PRKAA2: variants seen among roughly 807,000 people sequenced by gnomAD.
PRKAA2 encodes the protein protein kinase AMP-activated catalytic subunit alpha 2.
A neutral mutation model predicts 56.3 loss-of-function variants in PRKAA2; 40 were observed. That is an observed-to-expected ratio of 0.71 (90% CI 0.55 to 0.92). The LOEUF (loss-of-function observed/expected upper bound fraction) is 0.92. Among genes scored for constraint, PRKAA2 ranks in the 40% least tolerant of loss-of-function variants. PRKAA2 has a pLI of 0.00. For missense variants in PRKAA2, 542 were observed against 686.9 expected (o/e 0.79, Z 2.36); for synonymous variants, 214 against 234.2 (o/e 0.91, Z 0.79).
intron 2 of PRKAA2, among the ~76,000 whole-genome samples, chr1:56,691,075 A>G (rs889145736): frequency 1.3e-5 from 2 of 152,176 alleles, no homozygotes; most frequent in African/African-American, 2.4e-5. Context: ...ATCTTTAAAT[A>G]TGTGATACCT....
chr1:56,662,695 A>G (rs915042533), intron 1 of PRKAA2, among the ~76,000 whole-genome samples: 2 of 152,184 alleles, frequency 1.3e-5, no homozygotes, highest in African/African-American at 2.4e-5. Flanking sequence ...GAGTTTAACC[A>G]TGTCAGTGCA....
intron 7 of PRKAA2, among the ~76,000 whole-genome samples, chr1:56,704,847 A>T (rs1644321325): frequency 6.6e-6 from 1 of 151,566 alleles, no homozygotes; most frequent in Non-Finnish European, 1.5e-5. Flanking sequence ...TTTAGGTGAC[A>T]GAGGCAGGTG....
intron 2 of PRKAA2, among the ~76,000 whole-genome samples, chr1:56,686,646 T>C (rs1343164589): frequency 6.6e-6 from 1 of 152,014 alleles, no homozygotes; most frequent in East Asian, 1.9e-4. Context: ...GCCAGTCTCC[T>C]TTAAACAACC....
intron 6 of PRKAA2, among the ~76,000 whole-genome samples, chr1:56,697,681 G>A (rs1644267635): frequency 6.6e-6 from 1 of 152,016 alleles, no homozygotes; most frequent in Admixed American, 6.6e-5. Context: ...AATAGTAATA[G>A]GCTGGGGGCA....
Position 56,714,329 on chromosome 1 carries a change from C to T in PRKAA2, c.*6616C>T, listed in dbSNP as rs1190145046. On this transcript the variant is annotated 3_prime_UTR_variant, in exon 9 of 9. Transcript: ENST00000371244. ...TTGATTTACAAAATGTGGATAATAA[C>T]CTACCTCACAGATGTGTGTGAGCAA... The T allele has an allele frequency of 3.3e-5, 5 of 152,064 alleles. No individual in the cohort carries two copies. In the East Asian group the frequency reaches 7.7e-4, roughly 23 times the overall value. The allele number at this position is 152,064 out of a possible 1,614,324, so 9.4% of individuals were successfully genotyped here.
intron 1 of PRKAA2, among the ~76,000 whole-genome samples, chr1:56,653,636 T>A (rs959877216): frequency 5.3e-5 from 8 of 152,154 alleles, no homozygotes; most frequent in Non-Finnish European, 1.5e-5. Context: ...TGTACTTTTG[T>A]GTATGTAGAC....
chr1:56,704,367 A>G lies in PRKAA2; in HGVS notation c.1185A>G (p.Leu395=). The change falls in exon 7 of 9, where the codon TTA becomes TTG. Residue 395 remains leucine, a synonymous_variant. Transcript: ENST00000371244. ...DALNTTKPKS[L]AVKKAKWHLG... is the part of the protein sequence containing the mutation. ...TGAATACGACTAAGCCCAAATCTTT[A>G]GCTGTGAAAAAAGCCAAGTGGCATC... The G allele has an allele frequency of 1.2e-6, 2 of 1,614,198 alleles. No individual in the cohort carries two copies. Among genetic ancestry groups the G allele is most frequent in the East Asian group, 2.2e-5 (1 of 44,878 alleles).
chr1:56,706,213 T>C lies in PRKAA2; in HGVS notation c.1415T>C (p.Ile472Thr), dbSNP rs759277859. 2.5e-6 allele frequency: 4 copies of C among 1,613,058 alleles called. No individual in the cohort carries two copies. The South Asian group carries it at 3.3e-5, about 13-fold the overall frequency. The change falls in exon 8 of 9, where the codon ATT becomes ACT. Residue 472 changes from isoleucine (I) to threonine (T), a missense_variant. By Grantham distance (89) the Ile-to-Thr change is moderately conservative. This residue lies in a region of PRKAA2 where 158 missense variants were observed against 166.1 expected (regional missense o/e 0.95). Coordinates refer to ENST00000371244, the MANE Select transcript of PRKAA2 (RefSeq NM_006252.4). Reference protein sequence around the residue: ...NRSYLLDFKSIDDEVVEQRSG... With the variant: ...NRSYLLDFKSTDDEVVEQRSG... The stretch of plus-strand genomic sequence containing the variant: ...AGCTATCTTTTGGACTTTAAAAGCA[T>C]TGATGGTAAGGAAGCTATGCATGCA...
chr1:56,703,132 C>A (rs1281600696), intron 6 of PRKAA2, among the ~76,000 whole-genome samples: 1 of 152,050 alleles, frequency 6.6e-6, no homozygotes, highest in Non-Finnish European at 1.5e-5. Flanking sequence ...ACATCAAGCA[C>A]AAAGGCCCAG....
chr1:56,704,364 TTTAG>T lies in PRKAA2; in HGVS notation c.1183_1186del (p.Ala396Ter). ...CACTGAATACGACTAAGCCCAAATC[TTTAG>T]CTGTGAAAAAAGCCAAGTGGCATCT... On this transcript the variant is annotated frameshift_variant, in exon 7 of 9. Coordinates refer to ENST00000371244, the MANE Select transcript of PRKAA2 (RefSeq NM_006252.4). LOFTEE classifies it high-confidence loss of function. 6.2e-7 allele frequency: 1 copy of T among 1,614,142 alleles called. No individual in the cohort carries two copies. The highest frequency in any genetic ancestry group is 8.5e-7 in the Non-Finnish European group (1 of 1,180,008).
rs2100448953 is a variant in PRKAA2 at position 56,713,891 on chromosome 1, T to C, written c.*6178T>C. 6.7e-6 allele frequency: 1 copy of C among 149,950 alleles called. No homozygotes were observed. Among genetic ancestry groups the C allele is most frequent in the South Asian group, 2.1e-4 (1 of 4,696 alleles). The allele number at this position is 149,950 out of a possible 1,614,324, so 9.3% of individuals were successfully genotyped here. ...AAAACACTAAATTGTGCCTTCTCCC[T>C]TAAATTATAAGAAGAGTAATAGTAA... is the stretch of plus-strand genomic sequence containing the variant. On this transcript the variant is annotated 3_prime_UTR_variant, in exon 9 of 9. Transcript: ENST00000371244.
At chr1:56,691,918 T>C (rs966671511) in intron 3 of PRKAA2, among the ~76,000 whole-genome samples, 25 of 152,286 alleles carry the variant, frequency 1.6e-4, no homozygotes, top group Admixed American at 3.3e-4. Context: ...GACAAGCTTT[T>C]GGTTGGTTTA....
At position 56,713,865 on chromosome 1, in the gene PRKAA2, A is replaced by AC. The variant is rs1176045982; in HGVS notation, c.*6152_*6153insC. ...CACTGTTCTAAAAAAAAAAAAAAAA[A>AC]AAAACACTAAATTGTGCCTTCTCCC... On this transcript the variant is annotated 3_prime_UTR_variant, in exon 9 of 9. Coordinates refer to ENST00000371244, the MANE Select transcript of PRKAA2 (RefSeq NM_006252.4). The AC allele has an allele frequency of 2.0e-5, 3 of 151,676 alleles. No individual in the cohort carries two copies. The highest frequency in any genetic ancestry group is 2.1e-4 in the South Asian group (1 of 4,814). 9.4% of individuals were successfully genotyped at this position (151,676 alleles called of 1,614,324 possible).
intron 1 of PRKAA2, among the ~76,000 whole-genome samples, chr1:56,650,645 A>C (rs945050757): frequency 4.6e-5 from 7 of 152,214 alleles, no homozygotes; most frequent in African/African-American, 1.7e-4. Flanking sequence ...GATTTAAACA[A>C]ATTTTTTTCA....
rs1165809593 is a variant in PRKAA2 at position 56,713,898 on chromosome 1, A to T, written c.*6185A>T. ...TAAATTGTGCCTTCTCCCTTAAATT[A>T]TAAGAAGAGTAATAGTAAAAACTTG... On this transcript the variant is annotated 3_prime_UTR_variant, in exon 9 of 9. Coordinates refer to ENST00000371244, the MANE Select transcript of PRKAA2 (RefSeq NM_006252.4). The T allele has an allele frequency of 1.3e-5, 2 of 148,526 alleles. No homozygotes were observed. Among genetic ancestry groups the T allele is most frequent in the African/African-American group, 4.9e-5 (2 of 40,584 alleles). The allele number at this position is 148,526 out of a possible 1,614,324, so 9.2% of individuals were successfully genotyped here. A position where few individuals can be genotyped will look rare whatever the true frequency, so the allele number is the denominator to read the frequency against.
At chr1:56,691,324 GA>G in intron 2 of PRKAA2, 69 bp from the exon 3 acceptor site, 1 of 978,460 alleles carries the variant, frequency 1.0e-6, no homozygotes, top group Non-Finnish European at 1.6e-6. Context: ...ATTGTAGCAA[GA>G]GTAGATATAC....
chr1:56,656,585 A>G (rs1255401011), intron 1 of PRKAA2, among the ~76,000 whole-genome samples: 1 of 152,192 alleles, frequency 6.6e-6, no homozygotes, highest in Non-Finnish European at 1.5e-5. Context: ...GTGTCTCTTC[A>G]AACTCAAGCA....
rs1322639429 is a variant in PRKAA2, at chr1:56,712,598, T to G, written c.*4885T>G. ...TGGGTGTAGTGGCTCATGCCTATAATCCCAGCACTTTGGGAGGCCAAAGTG... is the reference window on the plus strand; with the variant it reads ...TGGGTGTAGTGGCTCATGCCTATAAGCCCAGCACTTTGGGAGGCCAAAGTG... On this transcript the variant is annotated 3_prime_UTR_variant, in exon 9 of 9. Coordinates refer to ENST00000371244, the MANE Select transcript of PRKAA2 (RefSeq NM_006252.4). 6.6e-6 allele frequency: 1 copy of G among 152,188 alleles called. No homozygotes were observed. The highest frequency in any genetic ancestry group is 1.5e-5 in the Non-Finnish European group (1 of 68,030). 9.4% of individuals were successfully genotyped at this position (152,188 alleles called of 1,614,324 possible).
intron 1 of PRKAA2, among the ~76,000 whole-genome samples, chr1:56,660,472 C>T (rs1643985392): frequency 6.6e-6 from 1 of 152,182 alleles, no homozygotes; most frequent in Non-Finnish European, 1.5e-5. Context: ...GCCTTACTCT[C>T]TAACTGAACA....
Sources: gnomAD v4.1 joint callset for allele counts (sites outside exome capture counted in the v4.1 genomes callset) on GRCh38, gnomAD v4.1.1 for gene constraint, gnomAD v4.1.1 regional missense constraint, MANE v1.5 for transcripts, NCBI Gene and HGNC (gene_info 2026-07-23, HGNC 2026-07-21) for gene names.